MAP3K13: variants seen among roughly 807,000 people sequenced by gnomAD.
The protein encoded by MAP3K13 is leucine zipper-bearing kinase.
A neutral mutation model predicts 104.0 loss-of-function variants in MAP3K13; 52 were observed. The observed-to-expected ratio is 0.50, with a 90% CI of 0.40 to 0.63. The LOEUF is 0.63. Among genes scored for constraint, MAP3K13 ranks in the 20% least tolerant of loss-of-function variants. The pLI is 0.00. For missense variants in MAP3K13, 914 were observed against 1,218.5 expected (o/e 0.75, Z 3.72); for synonymous variants, 394 against 442.2 (o/e 0.89, Z 1.37).
chr3:185,352,373 G>C (rs1180973656), intron 2 of MAP3K13, among the ~76,000 whole-genome samples: 8 of 152,096 alleles, frequency 5.3e-5, no homozygotes, highest in Admixed American at 2.6e-4. Context: ...GAACCCAGGA[G>C]GCAGAGGTTG....
At chr3:185,353,237 T>C (rs1331454606) in intron 2 of MAP3K13, among the ~76,000 whole-genome samples, 1 of 152,238 alleles carries the variant, frequency 6.6e-6, no homozygotes, top group Admixed American at 6.5e-5. Flanking sequence ...AGGAGTTTAA[T>C]TGAGCAATGA....
chr3:185,469,945 T>C (rs886660686), intron 10 of MAP3K13, among the ~76,000 whole-genome samples: 2 of 152,076 alleles, frequency 1.3e-5, no homozygotes, highest in South Asian at 4.1e-4. Flanking sequence ...CTTTGTCACA[T>C]ATGGTGAAGA....
At chr3:185,440,336 T>G (rs1715256579) in intron 3 of MAP3K13, among the ~76,000 whole-genome samples, 1 of 152,200 alleles carries the variant, frequency 6.6e-6, no homozygotes, top group South Asian at 2.1e-4. Context: ...GTAAGATCAC[T>G]GTTAGACCGT....
At chr3:185,420,838 A>G (rs1414915814) in intron 1 of MAP3K13, among the ~76,000 whole-genome samples, 1 of 152,238 alleles carries the variant, frequency 6.6e-6, no homozygotes, top group African/African-American at 2.4e-5. Context: ...ATTTGGCCAC[A>G]TTACCTCCTC....
chr3:185,471,250 A>T (rs1003852830), intron 10 of MAP3K13, among the ~76,000 whole-genome samples: 3 of 151,976 alleles, frequency 2.0e-5, no homozygotes, highest in African/African-American at 7.2e-5. Flanking sequence ...GCCCTCCAGA[A>T]AGTCAACAAG....
chr3:185,340,513 T>C (rs1160015860), intron 2 of MAP3K13, among the ~76,000 whole-genome samples: 1 of 152,220 alleles, frequency 6.6e-6, no homozygotes, highest in Non-Finnish European at 1.5e-5. Context: ...CTGAGGATGA[T>C]GAGAAACTTC....
chr3:185,384,923 T>C (rs941475446), intron 1 of MAP3K13, among the ~76,000 whole-genome samples: 1 of 152,230 alleles, frequency 6.6e-6, no homozygotes, highest in African/African-American at 2.4e-5. Flanking sequence ...GATTGTTTCC[T>C]TTGCTGTGTA....
At chr3:185,391,209 A>G (rs1341178160) in intron 1 of MAP3K13, among the ~76,000 whole-genome samples, 6 of 152,154 alleles carry the variant, frequency 3.9e-5, no homozygotes, top group Non-Finnish European at 7.4e-5. Flanking sequence ...CTCCGTACCC[A>G]TTAACCAGTA....
chr3:185,458,754 G>C (rs527480893), intron 7 of MAP3K13, among the ~76,000 whole-genome samples: 1 of 152,254 alleles, frequency 6.6e-6, no homozygotes, highest in South Asian at 2.1e-4. Flanking sequence ...CCAAAACTTC[G>C]GTCAAGAGGT....
chr3:185,429,145 C>T lies in MAP3K13; in HGVS notation c.475+89C>T, dbSNP rs560291370. 3.1e-5 allele frequency: 39 copies of T among 1,257,312 alleles called. No homozygotes were observed. In the African/African-American group the frequency reaches 4.8e-4, roughly 15 times the overall value. The allele number at this position is 1,257,312 out of a possible 1,614,324, so 77.9% of individuals were successfully genotyped here. On this transcript the variant is annotated intron_variant, in intron 2 of 13. Transcript: ENST00000265026. The stretch of plus-strand genomic sequence containing the variant: ...CCACCATTAGCTGGATAACCTATGA[C>T]CTTTGGGCAAATTAAAGAACTAGTG...
chr3:185,429,857 T>C (rs971316381), intron 2 of MAP3K13, among the ~76,000 whole-genome samples: 2 of 152,144 alleles, frequency 1.3e-5, no homozygotes, highest in Admixed American at 6.5e-5. Flanking sequence ...ACAAAATATC[T>C]AACCAATCTT....
chr3:185,440,461 T>C (rs1715264169), intron 3 of MAP3K13, among the ~76,000 whole-genome samples: 1 of 152,202 alleles, frequency 6.6e-6, no homozygotes, highest in Non-Finnish European at 1.5e-5. Flanking sequence ...ATTAGTTCTC[T>C]GTAATGATAA....
intron 1 of MAP3K13, among the ~76,000 whole-genome samples, chr3:185,409,103 C>T (rs1013702529): frequency 3.9e-5 from 6 of 152,230 alleles, no homozygotes; most frequent in Admixed American, 3.9e-4. Context: ...CCTGGTGGCT[C>T]ATGCCTGTCA....
chr3:185,451,886 AAAAG>A (rs1461401858), intron 7 of MAP3K13, among the ~76,000 whole-genome samples: 6 of 152,056 alleles, frequency 3.9e-5, no homozygotes, highest in East Asian at 3.9e-4. Flanking sequence ...AAAAAAAGAA[AAAAG>A]AAAGAAAGAA....
chr3:185,417,934 T>C, intron 1 of MAP3K13: 2 of 1,605,280 alleles, frequency 1.2e-6, no homozygotes, highest in Non-Finnish European at 1.7e-6. Context: ...AATCAACTTG[T>C]GCATGGGAAG....
chr3:185,459,491 C>T (rs1050367018), intron 7 of MAP3K13, among the ~76,000 whole-genome samples: 9 of 152,030 alleles, frequency 5.9e-5, no homozygotes, highest in Non-Finnish European at 7.4e-5. Context: ...CTTGTCACCC[C>T]GGCTGGAGTG....
chr3:185,304,320 G>T (rs6801540), intron 2 of MAP3K13, among the ~76,000 whole-genome samples: 53 of 152,258 alleles, frequency 3.5e-4, no homozygotes, highest in African/African-American at 1.2e-3. Flanking sequence ...CTGTACGTCT[G>T]TTAATACCAA....
chr3:185,349,293 A>G (rs1723050802), intron 2 of MAP3K13, among the ~76,000 whole-genome samples: 1 of 151,894 alleles, frequency 6.6e-6, no homozygotes, highest in African/African-American at 2.4e-5. Flanking sequence ...CCCTTCCTCA[A>G]TGTCTCTTAT....
intron 2 of MAP3K13, among the ~76,000 whole-genome samples, chr3:185,333,161 T>G (rs898194408): frequency 2.6e-5 from 4 of 152,148 alleles, no homozygotes; most frequent in Non-Finnish European, 4.4e-5. Flanking sequence ...TGCCCTTGAG[T>G]TTTCCAAATT....
Sources: gnomAD v4.1 joint callset for allele counts (sites outside exome capture counted in the v4.1 genomes callset) on GRCh38, gnomAD v4.1.1 for gene constraint, MANE v1.5 for transcripts, NCBI Gene and HGNC (gene_info 2026-07-23, HGNC 2026-07-21) for gene names.